The following PTPRR variants were observed in gnomAD, a reference collection of about 807,000 sequenced individuals.
PTPRR encodes receptor-type tyrosine-protein phosphatase R.
Under a neutral mutation model 77.2 loss-of-function variants are expected in PTPRR, and 38 were observed. The observed-to-expected ratio is 0.49, with a 90% CI of 0.38 to 0.65. The LOEUF (loss-of-function observed/expected upper bound fraction) is 0.65, where lower values mean the gene tolerates loss of function less well. Ranked by LOEUF, PTPRR falls within the 30% of genes least tolerant of loss-of-function variation. The pLI, the probability that PTPRR is intolerant of heterozygous loss-of-function variation, is 0.00. For missense variants in PTPRR, 744 were observed against 799.2 expected, an observed-to-expected ratio of 0.93 and a Z score of 0.83; for synonymous variants, 299 against 283.1, an observed-to-expected ratio of 1.06 and a Z score of -0.57.
chr12:70,818,315 C>CATCTATCA (rs1458311444), intron 2 of PTPRR, among the ~76,000 whole-genome samples: 4 of 150,850 alleles, frequency 2.7e-5, no homozygotes, highest in African/African-American at 9.8e-5. Flanking sequence ...CTCTATCTAT[C>CATCTATCA]ATCTATCAAC....
intron 2 of PTPRR, among the ~76,000 whole-genome samples, chr12:70,792,945 T>C (rs1891447445): frequency 6.6e-6 from 1 of 152,136 alleles, no homozygotes; most frequent in Non-Finnish European, 1.5e-5. Flanking sequence ...ACCAAATTTA[T>C]GGTGAAGTTT....
intron 2 of PTPRR, among the ~76,000 whole-genome samples, chr12:70,841,849 G>C (rs751936956): frequency 1.3e-5 from 2 of 151,984 alleles, no homozygotes; most frequent in Non-Finnish European, 2.9e-5. Context: ...TTCATAATGA[G>C]AATATATGAA....
chr12:70,644,584 T>G lies in PTPRR; in HGVS notation c.1881-5307A>C, dbSNP rs1214746890. Among the ~76,000 whole-genome samples, 4 of 152,250 alleles carry G rather than the reference T, an allele frequency of 2.6e-5. No individual in the cohort carries two copies. The East Asian group carries it at 7.7e-4, about 29-fold the overall frequency. On this transcript the variant is annotated intron_variant, in intron 13 of 13. Transcript: ENST00000283228. ...AATAGTTCCTACTTTATAGCATTGTTGTGAGAAATAAATGGGACTATCACT... is the reference window on the plus strand; with the variant it reads ...AATAGTTCCTACTTTATAGCATTGTGGTGAGAAATAAATGGGACTATCACT...
chr12:70,835,364 T>C (rs1185334501), intron 2 of PTPRR, among the ~76,000 whole-genome samples: 2 of 152,110 alleles, frequency 1.3e-5, no homozygotes, highest in African/African-American at 4.8e-5. Context: ...TTATTATTTA[T>C]AGTAGATCAT....
chr12:70,713,565 C>CAT (rs1888909281), intron 6 of PTPRR, among the ~76,000 whole-genome samples: 1 of 140,592 alleles, frequency 7.1e-6, no homozygotes, highest in Non-Finnish European at 1.5e-5. Context: ...TTGCTGCTGC[C>CAT]TTTTTTTTTT....
At chr12:70,858,095 T>C (rs1892683485) in intron 2 of PTPRR, among the ~76,000 whole-genome samples, 1 of 152,158 alleles carries the variant, frequency 6.6e-6, no homozygotes, top group East Asian at 1.9e-4. Context: ...TTCCTGTCCA[T>C]TGAGAGATTC....
rs570189627 is a variant in PTPRR at position 70,890,911 on chromosome 12, C to G, written c.357+1768G>C. On this transcript the variant is annotated intron_variant, in intron 2 of 13. Transcript: ENST00000283228. ...TCAGCTGACATTTAATTGCATCACC[C>G]CTTTGCTTTTTGAGGAAGCTAAACA... 1.3e-4 allele frequency among the ~76,000 whole-genome samples: 20 copies of G among 152,182 alleles called. No individual in the cohort carries two copies. The South Asian group carries it at 2.5e-3, about 19-fold the overall frequency.
In PTPRR at chr12:70,673,064, A is replaced by T. The variant is rs1004918888; in HGVS notation, c.1498-10459T>A. On this transcript the variant is annotated intron_variant, in intron 10 of 13. Transcript: ENST00000283228. ...AAAAAAAAAAAGAAAGAAAGAAAGA[A>T]ATATATATTTGACTTATACAGCAGT... 1.8e-4 allele frequency: 208 copies of T among 1,180,480 alleles called. 1 individual carries two copies. The African/African-American group carries it at 3.2e-3, about 18-fold the overall frequency. 73.1% of individuals were successfully genotyped at this position (1,180,480 alleles called of 1,614,324 possible). A position where few individuals can be genotyped will look rare whatever the true frequency, so the allele number is the denominator to read the frequency against.
intron 5 of PTPRR, among the ~76,000 whole-genome samples, chr12:70,750,137 T>C (rs1273069375): frequency 2.0e-5 from 3 of 152,184 alleles, no homozygotes; most frequent in African/African-American, 2.4e-5. Context: ...CCTGTCTAAT[T>C]TTATGCCTGG....
intron 2 of PTPRR, among the ~76,000 whole-genome samples, chr12:70,857,890 A>G (rs1892680257): frequency 6.6e-6 from 1 of 152,156 alleles, no homozygotes; most frequent in Non-Finnish European, 1.5e-5. Context: ...CCTATAAGCC[A>G]GAAGTTGGGG....
intron 6 of PTPRR, among the ~76,000 whole-genome samples, chr12:70,732,535 G>A (rs1592714633): frequency 6.6e-6 from 1 of 152,158 alleles, no homozygotes; most frequent in Admixed American, 6.5e-5. Flanking sequence ...GGGCAAGGGC[G>A]AGGTGGTGGT....
chr12:70,852,046 AAGAC>A (rs1892580358), intron 2 of PTPRR, among the ~76,000 whole-genome samples: 1 of 152,180 alleles, frequency 6.6e-6, no homozygotes, highest in South Asian at 2.1e-4. Flanking sequence ...CCTTCGATGA[AAGAC>A]AGAATGCCCT....
chr12:70,764,711 G>A lies in PTPRR; in HGVS notation c.425C>T (p.Ala142Val). The change falls in exon 3 of 14, where the codon GCA (alanine) becomes GTA (valine). Residue 142 changes from alanine (A) to valine (V), a missense_variant. Around this residue, in one of 3 missense-constraint regions of PTPRR, gnomAD observed 570 missense variants for 573.2 expected, o/e 0.99. Transcript: ENST00000283228. Reference sequence around the variant, plus strand: ...TTGCTGGGGTAAGAGTCCTAAAGCTGCAGCCACTCCTTGGCGGAAGATCCG... The same window carrying A: ...TTGCTGGGGTAAGAGTCCTAAAGCTACAGCCACTCCTTGGCGGAAGATCCG... ...LLRIFRQGVAAALGLLPQQVH... is the reference protein window; with the variant it reads ...LLRIFRQGVAVALGLLPQQVH... 1 of 1,614,132 alleles carries A rather than the reference G, an allele frequency of 6.2e-7. No homozygotes were observed. The highest frequency in any genetic ancestry group is 1.1e-5 in the South Asian group (1 of 91,074).
At chr12:70,708,969 C>T (rs1237818701) in intron 6 of PTPRR, among the ~76,000 whole-genome samples, 1 of 151,812 alleles carries the variant, frequency 6.6e-6, no homozygotes, top group Non-Finnish European at 1.5e-5. Context: ...ATTTGTAAGG[C>T]CAGAAATGAC....
chr12:70,672,607 C>T (rs760003280), intron 10 of PTPRR: 3 of 1,476,224 alleles, frequency 2.0e-6, no homozygotes, highest in South Asian at 1.1e-5. Context: ...AGCAGATGCA[C>T]ACATCTTAAA....
intron 1 of PTPRR, among the ~76,000 whole-genome samples, chr12:70,900,641 A>G (rs1893517227): frequency 6.6e-6 from 1 of 151,596 alleles, no homozygotes; most frequent in South Asian, 2.1e-4. Flanking sequence ...TAAGGAGTTA[A>G]TATCAAAAAT....
intron 2 of PTPRR, among the ~76,000 whole-genome samples, chr12:70,845,432 T>C (rs1028650514): frequency 2.6e-5 from 4 of 152,264 alleles, no homozygotes; most frequent in Non-Finnish European, 4.4e-5. Flanking sequence ...ACTGAAAAGT[T>C]GGAGTCACAG....
At chr12:70,748,150 G>A (rs757512516) in intron 5 of PTPRR, among the ~76,000 whole-genome samples, 3 of 152,154 alleles carry the variant, frequency 2.0e-5, no homozygotes, top group East Asian at 1.9e-4. Context: ...AAACCCTGAC[G>A]TAAGGGATCA....
intron 6 of PTPRR, among the ~76,000 whole-genome samples, chr12:70,733,221 A>G (rs544111347): frequency 2.6e-5 from 4 of 152,236 alleles, no homozygotes; most frequent in Admixed American, 6.5e-5. Flanking sequence ...ATTACTTAAA[A>G]TAATGAGAAA....
Sources: allele counts gnomAD v4.1 joint callset (sites outside exome capture counted in the v4.1 genomes callset), GRCh38; gene constraint gnomAD v4.1.1; regional missense constraint gnomAD v4.1.1; transcripts MANE v1.5; gene names NCBI Gene and HGNC (gene_info 2026-07-23, HGNC 2026-07-21).